COPS9: variants seen among roughly 807,000 people sequenced by gnomAD.
COPS9 encodes the protein COP9 signalosome subunit 9, also known as COP9 signalosome complex subunit 9.
COPS9 carries 8 observed loss-of-function variants against 7.2 expected under a neutral mutation model. The observed-to-expected ratio is 1.11, with a 90% CI of 0.65 to 2.00. The LOEUF (loss-of-function observed/expected upper bound fraction) is 2.00, where lower values mean the gene tolerates loss of function less well. COPS9 is among the 30% of genes most tolerant of loss of function. The pLI is 0.00. For missense variants in COPS9, 74 were observed against 77.7 expected (o/e 0.95, Z 0.18); for synonymous variants, 39 against 28.7 (o/e 1.36, Z -1.14).
At chr2:240,126,714 G>T, downstream of COPS9, 1 of 1,614,182 alleles carries the variant, frequency 6.2e-7, no homozygotes, top group Admixed American at 1.7e-5. Context: ...GCTTCTTGTG[G>T]TTCTGAGCAC....
Position 240,130,856 on chromosome 2 carries a change from G to A in COPS9, c.*195C>T. 1 of 1,417,444 alleles carries A rather than the reference G, an allele frequency of 7.1e-7. No homozygotes were observed. The highest frequency in any genetic ancestry group is 1.6e-5 in the South Asian group (1 of 61,110). 87.8% of individuals were successfully genotyped at this position (1,417,444 alleles called of 1,614,324 possible). On this transcript the variant is annotated 3_prime_UTR_variant, in exon 3 of 3. Coordinates refer to ENST00000607357, the MANE Select transcript of COPS9 (RefSeq NM_001163424.2). ...CATTGCTTTCTTTTAATTGGAGTGA[G>A]GACAAAACCTGATCCCGTTCAGAGA...
intron 1 of COPS9, among the ~76,000 whole-genome samples, chr2:240,134,676 C>T (rs928002477): frequency 2.6e-5 from 4 of 152,202 alleles, no homozygotes; most frequent in Non-Finnish European, 5.9e-5. Flanking sequence ...CTTGCTCAGA[C>T]CTGCCCTGAT....
downstream of COPS9, chr2:240,126,938 T>G (rs1013130819): frequency 6.2e-7 from 1 of 1,610,458 alleles, no homozygotes; most frequent in Non-Finnish European, 8.5e-7. Flanking sequence ...TCAGTTCACA[T>G]CTCTGGGGAG....
chr2:240,131,451 G>A (rs994937326), intron 2 of COPS9, among the ~76,000 whole-genome samples: 1 of 152,218 alleles, frequency 6.6e-6, no homozygotes, highest in Admixed American at 6.5e-5. Context: ...TGCTGCCCTC[G>A]CTGCCGGGGC....
chr2:240,127,026 T>G (rs145792877), downstream of COPS9: 22 of 1,488,346 alleles, frequency 1.5e-5, no homozygotes, highest in African/African-American at 2.6e-4. Flanking sequence ...GGACAAGTCA[T>G]TCTGTCCAGT....
At chr2:240,128,452 G>A (rs924113314), downstream of COPS9, among the ~76,000 whole-genome samples, 14 of 152,272 alleles carry the variant, frequency 9.2e-5, no homozygotes, top group African/African-American at 2.9e-4. Context: ...CAGGACCCCA[G>A]AAGGCTCCCT....
downstream of COPS9, among the ~76,000 whole-genome samples, chr2:240,127,725 T>C (rs543439349): frequency 1.0e-3 from 156 of 152,224 alleles, 1 homozygote; most frequent in African/African-American, 3.3e-3. Flanking sequence ...TTGGGGTGGC[T>C]TTCTCTTCTC....
At chr2:240,127,014 T>C, downstream of COPS9, 1 of 1,545,844 alleles carries the variant, frequency 6.5e-7, no homozygotes, top group Non-Finnish European at 8.7e-7. Flanking sequence ...CCGAGTGACC[T>C]GGGACAAGTC....
rs2071935859 is a variant in COPS9 at position 240,132,797 on chromosome 2, A to G, written c.136+1136T>C. Among the ~76,000 whole-genome samples, 1 of 152,216 alleles carries G rather than the reference A, an allele frequency of 6.6e-6. No homozygotes were observed. Among genetic ancestry groups the G allele is most frequent in the Non-Finnish European group, 1.5e-5 (1 of 68,028 alleles). Reference sequence around the variant, plus strand: ...TGGTGAGCTGGTGTTTTTGCAAAGCAGCTTTGGAGAGCGCTCTGCAGCTTT... The same window carrying G: ...TGGTGAGCTGGTGTTTTTGCAAAGCGGCTTTGGAGAGCGCTCTGCAGCTTT... On this transcript the variant is annotated intron_variant, in intron 2 of 2. Transcript: ENST00000607357. The surrounding 1 kb of genome is among the most constrained non-coding windows in gnomAD (Gnocchi z 4.1).
At chr2:240,130,068 AG>A, downstream of COPS9, 1 of 1,544,462 alleles carries the variant, frequency 6.5e-7, no homozygotes, top group Non-Finnish European at 8.9e-7. Context: ...TCAGGATGAC[AG>A]GGTGGAAATC....
downstream of COPS9, among the ~76,000 whole-genome samples, chr2:240,128,915 G>C (rs1022453096): frequency 1.3e-5 from 2 of 152,236 alleles, no homozygotes; most frequent in Non-Finnish European, 2.9e-5. Flanking sequence ...AACATGTGCA[G>C]AAGACACTGA....
Position 240,136,271 on chromosome 2 carries a change from A to G in COPS9, c.14T>C (p.Val5Ala). Reference sequence around the variant, plus strand: ...GGCGCCCTCGGGGAACATCTCGTCCACCGCCGGCTTCATCTCGGGGCCGCG... The same window carrying G: ...GGCGCCCTCGGGGAACATCTCGTCCGCCGCCGGCTTCATCTCGGGGCCGCG... MKPA[V>A]DEMFPEGAGP... Residue 5 changes from valine to alanine, a missense_variant, in exon 1 of 3, where the codon GTG (valine) becomes GCG (alanine). Physicochemically the swap from Val to Ala is moderately conservative, Grantham distance 64. Coordinates refer to ENST00000607357, the MANE Select transcript of COPS9 (RefSeq NM_001163424.2). The G allele has an allele frequency of 6.4e-7, 1 of 1,561,784 alleles. No individual in the cohort carries two copies. Among genetic ancestry groups the G allele is most frequent in the African/African-American group, 1.4e-5 (1 of 69,572 alleles).
At chr2:240,129,868 G>T, downstream of COPS9, 1 of 1,545,022 alleles carries the variant, frequency 6.5e-7, no homozygotes, top group African/African-American at 1.4e-5. Context: ...CAGCCTCAAC[G>T]TGCGGCCCAG....
chr2:240,129,448 G>A (rs909748760), downstream of COPS9, among the ~76,000 whole-genome samples: 2 of 152,188 alleles, frequency 1.3e-5, no homozygotes, highest in Non-Finnish European at 2.9e-5. Context: ...TTACAGGAGT[G>A]AGCCACTGTG....
chr2:240,136,002 C>A, intron 1 of COPS9: 2 of 709,020 alleles, frequency 2.8e-6, no homozygotes, highest in South Asian at 5.4e-5. Flanking sequence ...CCTGGTCCCC[C>A]GGGCTAGGGC....
rs1248711033 is a variant in COPS9 at position 240,132,125 on chromosome 2, T to A, written c.137-1037A>T. Among the ~76,000 whole-genome samples, 1 of 152,116 alleles carries A rather than the reference T, an allele frequency of 6.6e-6. No individual in the cohort carries two copies. Among genetic ancestry groups the A allele is most frequent in the East Asian group, 1.9e-4 (1 of 5,186 alleles). On this transcript the variant is annotated intron_variant, in intron 2 of 2. Coordinates refer to ENST00000607357, the MANE Select transcript of COPS9 (RefSeq NM_001163424.2). The surrounding 1 kb of genome is among the most constrained non-coding windows in gnomAD (Gnocchi z 4.1). ...CTCTGCTGCCCCCTCTGGAGAAACCTCCCTCTGCAGTGCTCCCAGAAACAA... is the reference window on the plus strand; with the variant it reads ...CTCTGCTGCCCCCTCTGGAGAAACCACCCTCTGCAGTGCTCCCAGAAACAA...
chr2:240,136,125 G>A (rs1421921513), intron 1 of COPS9, 97 bp downstream of exon 1: 22 of 661,528 alleles, frequency 3.3e-5, no homozygotes, highest in Non-Finnish European at 4.4e-5. Context: ...CCACCCGCCC[G>A]GCCTCCCCTC....
In COPS9 at chr2:240,132,622, A is replaced by G. The variant is rs1481134899; in HGVS notation, c.136+1311T>C. ...AGGGCTGACTCTGGAAGTCATGTGAACTCAAACACTAGAACACAGCAATCG... is the reference window on the plus strand; with the variant it reads ...AGGGCTGACTCTGGAAGTCATGTGAGCTCAAACACTAGAACACAGCAATCG... On this transcript the variant is annotated intron_variant, in intron 2 of 2. Coordinates refer to ENST00000607357, the MANE Select transcript of COPS9 (RefSeq NM_001163424.2). The surrounding 1 kb of genome is among the most constrained non-coding windows in gnomAD (Gnocchi z 4.1). 1.3e-5 allele frequency among the ~76,000 whole-genome samples: 2 copies of G among 152,216 alleles called. No homozygotes were observed. The highest frequency in any genetic ancestry group is 2.9e-5 in the Non-Finnish European group (2 of 68,044).
chr2:240,127,362 GTC>G (rs578134889), downstream of COPS9, among the ~76,000 whole-genome samples: 35 of 149,460 alleles, frequency 2.3e-4, no homozygotes, highest in African/African-American at 6.6e-4. Context: ...CTGTTAACCA[GTC>G]TCTCTCTCTC....
Sources: allele counts gnomAD v4.1 joint callset (sites outside exome capture counted in the v4.1 genomes callset), GRCh38; gene constraint gnomAD v4.1.1; non-coding constraint Gnocchi (gnomAD v3.1); transcripts MANE v1.5; gene names NCBI Gene and HGNC (gene_info 2026-07-23, HGNC 2026-07-21).